Variants in CFAP96 observed in about 807,000 individuals in gnomAD.
The protein encoded by CFAP96 is cilia and flagella associated protein 96.
chr4:185,445,270 C>T, the CFAP96 span: 1 of 784,712 alleles, frequency 1.3e-6, no homozygotes, highest in Non-Finnish European at 2.0e-6. Flanking sequence ...CAGCTCCTTC[C>T]ATGTACAGGT....
the CFAP96 span, chr4:185,418,547 T>C: frequency 6.3e-5 from 101 of 1,610,386 alleles, 5 homozygotes; most frequent in South Asian, 8.8e-4. Flanking sequence ...TATGAAATGA[T>C]GTTTTGAAAA....
chr4:185,412,428 G>A, the CFAP96 span, among the ~76,000 whole-genome samples: 3 of 152,066 alleles, frequency 2.0e-5, no homozygotes, highest in African/African-American at 4.8e-5. Context: ...GTACTGTATC[G>A]TATATGCATT....
the CFAP96 span, among the ~76,000 whole-genome samples, chr4:185,433,544 A>G: frequency 8.5e-6 from 1 of 117,352 alleles, no homozygotes; most frequent in Non-Finnish European, 1.8e-5. Context: ...ACTACTTTGT[A>G]TAACTTATAC....
chr4:185,410,146 C>G, the CFAP96 span, among the ~76,000 whole-genome samples: 1 of 149,338 alleles, frequency 6.7e-6, no homozygotes, highest in Non-Finnish European at 1.5e-5. Flanking sequence ...CCAGTTAAAA[C>G]AAGAAGAAAA....
the CFAP96 span, among the ~76,000 whole-genome samples, chr4:185,443,342 A>ATATTTTTTTTTTT: frequency 3.4e-4 from 9 of 26,720 alleles, no homozygotes; most frequent in African/African-American, 1.0e-3. Context: ...ATATATATAT[A>ATATTTTTTTTTTT]TTTTTTTTTT....
chr4:185,449,731 T>A, the CFAP96 span: 1 of 890,034 alleles, frequency 1.1e-6, no homozygotes, highest in South Asian at 1.9e-5. Flanking sequence ...TAAGATGTTA[T>A]GGAGCAGATA....
the CFAP96 span, among the ~76,000 whole-genome samples, chr4:185,441,311 T>C: frequency 5.5e-3 from 839 of 152,320 alleles, 4 homozygotes; most frequent in Middle Eastern, 0.027. Flanking sequence ...ACTTTTTTTT[T>C]CTGTAAATTG....
the CFAP96 span, among the ~76,000 whole-genome samples, chr4:185,430,496 G>T: frequency 6.6e-6 from 1 of 152,224 alleles, no homozygotes; most frequent in Non-Finnish European, 1.5e-5. Context: ...GAAACAAAAT[G>T]ATTATCTCTT....
chr4:185,415,842 A>T, the CFAP96 span: 1 of 1,613,574 alleles, frequency 6.2e-7, no homozygotes, highest in Non-Finnish European at 8.5e-7. Context: ...CATTTCCAGC[A>T]TAAGATCTAT....
the CFAP96 span, chr4:185,445,165 A>G: frequency 6.7e-6 from 10 of 1,502,002 alleles, no homozygotes; most frequent in South Asian, 1.3e-4. Context: ...ACAAACTAAG[A>G]AAAAATTGTT....
chr4:185,435,147 C>G, the CFAP96 span, among the ~76,000 whole-genome samples: 10 of 152,188 alleles, frequency 6.6e-5, no homozygotes, highest in Non-Finnish European at 1.5e-4. Flanking sequence ...TCTCCTTTAT[C>G]TGCATTATCC....
the CFAP96 span, chr4:185,429,613 T>A: frequency 2.9e-6 from 2 of 686,200 alleles, no homozygotes; most frequent in Non-Finnish European, 4.8e-6. Context: ...GGTTTATATT[T>A]TAAAGCATTT....
At chr4:185,412,402 A>G in the CFAP96 span, among the ~76,000 whole-genome samples, 2 of 152,148 alleles carry the variant, frequency 1.3e-5, no homozygotes, top group East Asian at 1.9e-4. Context: ...GTGGGCCCCT[A>G]ACTCATCTAG....
the CFAP96 span, among the ~76,000 whole-genome samples, chr4:185,443,914 T>G: frequency 8.2e-6 from 1 of 122,098 alleles, no homozygotes; most frequent in Non-Finnish European, 1.7e-5. Flanking sequence ...CTTATAACTA[T>G]ATCTTTCTTT....
chr4:185,418,744 G>A, the CFAP96 span: 5 of 1,594,112 alleles, frequency 3.1e-6, no homozygotes, highest in African/African-American at 2.7e-5. Context: ...CTCAACACAT[G>A]TTTCAGTGCC....
chr4:185,414,911 T>A, the CFAP96 span, among the ~76,000 whole-genome samples: 6 of 152,170 alleles, frequency 3.9e-5, no homozygotes, highest in Non-Finnish European at 8.8e-5. Flanking sequence ...TCACAGAATA[T>A]ATGAACCACA....
the CFAP96 span, chr4:185,418,450 T>C: frequency 6.2e-7 from 1 of 1,608,190 alleles, no homozygotes. Context: ...CCATGTCTGA[T>C]AACTTTTTGT....
the CFAP96 span, among the ~76,000 whole-genome samples, chr4:185,433,469 A>T: frequency 6.6e-6 from 1 of 151,768 alleles, no homozygotes; most frequent in East Asian, 1.9e-4. Context: ...CAGTTTATTA[A>T]TTTGATAGAT....
At chr4:185,443,457 C>T in the CFAP96 span, among the ~76,000 whole-genome samples, 2 of 148,590 alleles carry the variant, frequency 1.3e-5, no homozygotes. Context: ...CAAGCGATTC[C>T]TTTGCCTCAG....
Sources: allele counts gnomAD v4.1 joint callset (sites outside exome capture counted in the v4.1 genomes callset), GRCh38; gene constraint gnomAD v4.1.1; transcripts MANE v1.5; gene names NCBI Gene and HGNC (gene_info 2026-07-23, HGNC 2026-07-21).